Variants in TEN1 observed in about 807,000 individuals in gnomAD.
TEN1 encodes TEN1 subunit of CST complex.
Under a neutral mutation model 9.3 loss-of-function variants are expected in TEN1, and 6 were observed. The ratio of observed to expected loss-of-function variants is 0.65; its 90% CI spans 0.35 to 1.27. The LOEUF is 1.27. Ranked by LOEUF, TEN1 falls within the 50% of genes most tolerant of loss-of-function variation. The probability of loss-of-function intolerance (pLI) is 0.03; values close to 1 mark genes in which losing one functional copy is unlikely to be tolerated. For synonymous variants in TEN1, 65 were observed against 65.6 expected (o/e 0.99, Z 0.04); for missense variants, 149 against 158.2 (o/e 0.94, Z 0.31).
chr17:75,987,773 C>T (rs972869849), intron 2 of TEN1, among the ~76,000 whole-genome samples: 4 of 151,746 alleles, frequency 2.6e-5, no homozygotes, highest in East Asian at 1.9e-4. Flanking sequence ...AAAAATTAGC[C>T]GGGCTTGGTG....
chr17:75,990,989 A>C (rs993145551), intron 2 of TEN1, among the ~76,000 whole-genome samples: 10 of 151,424 alleles, frequency 6.6e-5, no homozygotes, highest in Admixed American at 3.3e-4. Flanking sequence ...TTCTCTACTA[A>C]AAATACAAAA....
chr17:75,996,026 T>C (rs896238964), intron 3 of TEN1, among the ~76,000 whole-genome samples: 8 of 151,836 alleles, frequency 5.3e-5, no homozygotes, highest in Non-Finnish European at 7.4e-5. Context: ...AGGAGTTCGA[T>C]GCTGCAGTGA....
At chr17:75,986,492 G>T (rs1315664109) in intron 2 of TEN1, among the ~76,000 whole-genome samples, 1 of 151,916 alleles carries the variant, frequency 6.6e-6, no homozygotes, top group Non-Finnish European at 1.5e-5. Flanking sequence ...ACCTGAGGTT[G>T]GGAGTTTGAG....
chr17:75,983,228 C>T (rs1353756309), intron 1 of TEN1, among the ~76,000 whole-genome samples: 1 of 151,884 alleles, frequency 6.6e-6, no homozygotes, highest in Non-Finnish European at 1.5e-5. Context: ...TTACAGTGAG[C>T]CGAGATCCCG....
intron 1 of TEN1, among the ~76,000 whole-genome samples, chr17:75,981,453 C>T (rs1598208993): frequency 6.6e-6 from 1 of 152,250 alleles, no homozygotes; most frequent in East Asian, 1.9e-4. Context: ...TTCCAAAGTG[C>T]TGAGATTACA....
At chr17:75,979,598 C>T (rs1472808378) in intron 1 of TEN1, 87 bp downstream of exon 1, 11 of 229,672 alleles carry the variant, frequency 4.8e-5, no homozygotes, top group Non-Finnish European at 8.9e-5. Context: ...CCCGCGGCCT[C>T]TGTCACGCTT....
intron 2 of TEN1, among the ~76,000 whole-genome samples, chr17:75,987,697 A>G (rs564906664): frequency 2.0e-5 from 3 of 151,882 alleles, no homozygotes; most frequent in Admixed American, 2.0e-4. Context: ...CAGGCGGATC[A>G]CCTGAGGTCA....
intron 1 of TEN1, among the ~76,000 whole-genome samples, chr17:75,980,961 A>G (rs969019173): frequency 4.6e-5 from 7 of 152,178 alleles, no homozygotes; most frequent in African/African-American, 1.7e-4. Flanking sequence ...TGCTCAGGAA[A>G]TCTTTGTGGA....
intron 2 of TEN1, among the ~76,000 whole-genome samples, chr17:75,991,161 A>AG (rs1163663837): frequency 1.1e-4 from 16 of 151,032 alleles, no homozygotes; most frequent in African/African-American, 3.4e-4. Flanking sequence ...AAAAAAAAAA[A>AG]AAAAAAAGAA....
intron 1 of TEN1, among the ~76,000 whole-genome samples, chr17:75,982,067 C>T (rs1271928075): frequency 6.6e-6 from 1 of 152,134 alleles, no homozygotes; most frequent in Non-Finnish European, 1.5e-5. Flanking sequence ...TTACTCTTAA[C>T]TTTCCCTCCT....
At chr17:75,985,948 G>T (rs1188133444) in intron 1 of TEN1, among the ~76,000 whole-genome samples, 1 of 151,002 alleles carries the variant, frequency 6.6e-6, no homozygotes, top group Non-Finnish European at 1.5e-5. Flanking sequence ...ATGCAGGTTT[G>T]TTACATATGT....
intron 3 of TEN1, among the ~76,000 whole-genome samples, chr17:75,997,025 C>T (rs1157015099): frequency 6.6e-6 from 1 of 152,168 alleles, no homozygotes; most frequent in Non-Finnish European, 1.5e-5. Context: ...CCTGCTGCTG[C>T]ACCTTGGACT....
In TEN1 at chr17:76,000,007, A is replaced by G. The variant is rs963682462; in HGVS notation, c.251-134A>G. The G allele has an allele frequency of 7.3e-7, 1 of 1,374,088 alleles. No homozygotes were observed. Among genetic ancestry groups the G allele is most frequent in the Non-Finnish European group, 9.7e-7 (1 of 1,030,898 alleles). The allele number at this position is 1,374,088 out of a possible 1,614,324, so 85.1% of individuals were successfully genotyped here. A position where few individuals can be genotyped will look rare whatever the true frequency, so the allele number is the denominator to read the frequency against. ...AAATACTCAGTTGCCTTTGCCCCATATGCTGTTATTGTCCACATCACTTGC... is the reference window on the plus strand; with the variant it reads ...AAATACTCAGTTGCCTTTGCCCCATGTGCTGTTATTGTCCACATCACTTGC... On this transcript the variant is annotated intron_variant, in intron 3 of 3. Coordinates refer to ENST00000397640, the MANE Select transcript of TEN1 (RefSeq NM_001113324.3). This position sits in a 1 kb window ranked among gnomAD's most constrained non-coding sequence, Gnocchi z 5.9.
chr17:75,987,621 A>G (rs778587701), intron 2 of TEN1, among the ~76,000 whole-genome samples: 4 of 152,118 alleles, frequency 2.6e-5, no homozygotes, highest in Non-Finnish European at 4.4e-5. Context: ...TACATATAGA[A>G]GTATTTTAAC....
intron 3 of TEN1, among the ~76,000 whole-genome samples, chr17:75,993,967 C>T (rs2066203130): frequency 6.6e-6 from 1 of 151,574 alleles, no homozygotes. Flanking sequence ...CCACTGCACT[C>T]CAGCCTGGCA....
intron 1 of TEN1, among the ~76,000 whole-genome samples, chr17:75,982,154 C>T (rs1274785484): frequency 2.0e-5 from 3 of 152,196 alleles, no homozygotes; most frequent in African/African-American, 7.2e-5. Context: ...GACTCCATTC[C>T]AGAGAGGGTC....
Position 76,000,106 on chromosome 17 carries a change from C to A in TEN1, c.251-35C>A, listed in dbSNP as rs756192717. 1.3e-6 allele frequency: 2 copies of A among 1,545,384 alleles called. No individual in the cohort carries two copies. Among genetic ancestry groups the A allele is most frequent in the African/African-American group, 2.7e-5 (2 of 72,952 alleles). The stretch of plus-strand genomic sequence containing the variant: ...TGGAGGACGTTGTTGACACGCCGCT[C>A]AGTCGCCGTTCGTGCCCTGGTGTTT... On this transcript the variant is annotated intron_variant, in intron 3 of 3. Coordinates refer to ENST00000397640, the MANE Select transcript of TEN1 (RefSeq NM_001113324.3). This position sits in a 1 kb window ranked among gnomAD's most constrained non-coding sequence, Gnocchi z 5.9.
chr17:75,999,534 G>A (rs562623817), intron 3 of TEN1, among the ~76,000 whole-genome samples: 151 of 151,984 alleles, frequency 9.9e-4, no homozygotes, highest in Non-Finnish European at 9.0e-4. Flanking sequence ...GTAGAGATGG[G>A]GTTTCATCAT....
chr17:75,989,064 C>A (rs913452826), intron 2 of TEN1, among the ~76,000 whole-genome samples: 1 of 152,066 alleles, frequency 6.6e-6, no homozygotes, highest in Non-Finnish European at 1.5e-5. Context: ...AGCCACCACG[C>A]CCGGCCTACT....
Sources: gnomAD v4.1 joint callset for allele counts (sites outside exome capture counted in the v4.1 genomes callset) on GRCh38, gnomAD v4.1.1 for gene constraint, Gnocchi (gnomAD v3.1) non-coding constraint, MANE v1.5 for transcripts, NCBI Gene and HGNC (gene_info 2026-07-23, HGNC 2026-07-21) for gene names.